Variants in SCRN1 observed in about 807,000 individuals in gnomAD.
SCRN1 encodes the protein secernin-1.
Under a neutral mutation model 43.3 loss-of-function variants are expected in SCRN1, and 19 were observed. That is an observed-to-expected ratio of 0.44 (90% CI 0.31 to 0.64). The LOEUF is 0.64. Ranked by LOEUF, SCRN1 falls within the 30% of genes least tolerant of loss-of-function variation. SCRN1 has a pLI of 0.09. For missense variants in SCRN1, 447 were observed against 524.1 expected, an observed-to-expected ratio of 0.85 and a Z score of 1.44; for synonymous variants, 183 against 188.9, an observed-to-expected ratio of 0.97 and a Z score of 0.26.
intron 1 of SCRN1, among the ~76,000 whole-genome samples, chr7:29,983,453 TAA>T (rs55905237): frequency 7.1e-6 from 1 of 140,764 alleles, no homozygotes; most frequent in African/African-American, 2.6e-5. Flanking sequence ...GAAGTATAAT[TAA>T]AAAAAAAAAA....
intron 7 of SCRN1, 38 bp downstream of exon 7, chr7:29,926,414 C>A: frequency 6.3e-7 from 1 of 1,595,708 alleles, no homozygotes; most frequent in Non-Finnish European, 8.6e-7. Context: ...CGCCCGCCCG[C>A]CTCCGCCTCC....
chr7:29,975,997 G>A (rs1327703484), intron 1 of SCRN1, among the ~76,000 whole-genome samples: 1 of 152,190 alleles, frequency 6.6e-6, no homozygotes, highest in Non-Finnish European at 1.5e-5. Flanking sequence ...GGATAAGGAT[G>A]GAAGTTGTAA....
At chr7:29,982,677 T>G in intron 1 of SCRN1, among the ~76,000 whole-genome samples, 1 of 73,894 alleles carries the variant, frequency 1.4e-5, no homozygotes. Flanking sequence ...AGCGAGACCC[T>G]GTCTCAAAAA....
At chr7:29,936,328 T>G (rs1428742131) in intron 6 of SCRN1, among the ~76,000 whole-genome samples, 1 of 152,210 alleles carries the variant, frequency 6.6e-6, no homozygotes, top group African/African-American at 2.4e-5. Context: ...CTAATAAATT[T>G]AAAAGAACTA....
chr7:29,931,017 G>A (rs1290651126), intron 6 of SCRN1, among the ~76,000 whole-genome samples: 3 of 152,188 alleles, frequency 2.0e-5, no homozygotes, highest in Non-Finnish European at 4.4e-5. Flanking sequence ...CACAGCGTGG[G>A]CATCCAAACT....
At chr7:29,947,008 C>T (rs535865146) in intron 3 of SCRN1, among the ~76,000 whole-genome samples, 25 of 152,338 alleles carry the variant, frequency 1.6e-4, no homozygotes, top group Admixed American at 7.8e-4. Flanking sequence ...TCATGTGATT[C>T]CAGAAGAGGG....
intron 1 of SCRN1, among the ~76,000 whole-genome samples, chr7:29,978,755 G>T (rs1406709986): frequency 6.6e-6 from 1 of 152,228 alleles, no homozygotes; most frequent in Non-Finnish European, 1.5e-5. Context: ...CAATAAGGCG[G>T]AGACTCTGGG....
intron 2 of SCRN1, among the ~76,000 whole-genome samples, chr7:29,966,937 T>G (rs558547916): frequency 1.5e-4 from 23 of 152,176 alleles, no homozygotes; most frequent in African/African-American, 5.5e-4. Flanking sequence ...TGATTTAAGA[T>G]TTAGATATGA....
intron 6 of SCRN1, 42 bp from the exon 7 acceptor site, chr7:29,926,674 G>T (rs745497688): frequency 6.4e-7 from 1 of 1,561,354 alleles, no homozygotes; most frequent in Non-Finnish European, 8.7e-7. Context: ...CAGAGGCTGG[G>T]ACCCGGGAAC....
In SCRN1 at chr7:29,961,222, C is replaced by A. The variant is rs1260238982; in HGVS notation, c.160-5862G>T. 2.1e-5 allele frequency among the ~76,000 whole-genome samples: 3 copies of A among 142,898 alleles called. No homozygotes were observed. In the Admixed American group the frequency reaches 2.1e-4, roughly 10 times the overall value. The allele number at this position is 142,898 out of a possible 152,430, so 93.7% of individuals were successfully genotyped here. On this transcript the variant is annotated intron_variant, in intron 2 of 7. Transcript: ENST00000242059. Reference sequence around the variant, plus strand: ...CTAGGCAGAGGACCCTGCGGCCTTCCGCGGTGTTTGTGTCCCTGATTACTT... The same window carrying A: ...CTAGGCAGAGGACCCTGCGGCCTTCAGCGGTGTTTGTGTCCCTGATTACTT...
intron 2 of SCRN1, among the ~76,000 whole-genome samples, chr7:29,964,465 A>C (rs1788424732): frequency 6.6e-6 from 1 of 151,944 alleles, no homozygotes; most frequent in Non-Finnish European, 1.5e-5. Context: ...TACGAAAGGC[A>C]AAAGTATGGA....
At chr7:29,972,970 A>C (rs747117066) in intron 1 of SCRN1, among the ~76,000 whole-genome samples, 5 of 152,230 alleles carry the variant, frequency 3.3e-5, no homozygotes, top group Non-Finnish European at 7.3e-5. Context: ...GGACAGTGAC[A>C]CAGAGTCCCA....
intron 6 of SCRN1, among the ~76,000 whole-genome samples, chr7:29,927,772 C>G (rs1358260442): frequency 6.6e-6 from 1 of 152,140 alleles, no homozygotes; most frequent in Non-Finnish European, 1.5e-5. Flanking sequence ...CCTGGGGCAT[C>G]TGGAGCTTGA....
intron 5 of SCRN1, among the ~76,000 whole-genome samples, chr7:29,939,177 T>C (rs1787445984): frequency 6.6e-6 from 1 of 152,122 alleles, no homozygotes; most frequent in African/African-American, 2.4e-5. Context: ...AGTCCTAAAG[T>C]GTTCTAGATT....
intron 3 of SCRN1, among the ~76,000 whole-genome samples, chr7:29,947,519 G>A (rs987210422): frequency 6.6e-6 from 1 of 152,138 alleles, no homozygotes; most frequent in African/African-American, 2.4e-5. Context: ...AGGCAACACA[G>A]CCCCCTTAGA....
At chr7:29,930,399 T>G (rs926950590) in intron 6 of SCRN1, among the ~76,000 whole-genome samples, 1 of 152,182 alleles carries the variant, frequency 6.6e-6, no homozygotes, top group Non-Finnish European at 1.5e-5. Context: ...AAAATCACAT[T>G]TAGAATTCCA....
At chr7:29,986,117 T>C (rs951727071) in intron 1 of SCRN1, among the ~76,000 whole-genome samples, 5 of 152,168 alleles carry the variant, frequency 3.3e-5, no homozygotes, top group African/African-American at 1.2e-4. Context: ...ACGCCTGTAA[T>C]CCCAGCTACT....
intron 3 of SCRN1, among the ~76,000 whole-genome samples, chr7:29,949,929 C>T (rs973219551): frequency 6.6e-6 from 1 of 152,226 alleles, no homozygotes; most frequent in African/African-American, 2.4e-5. Context: ...TCATGACTCG[C>T]CTCCTAAAGT....
chr7:29,968,897 T>G lies in SCRN1; in HGVS notation c.159+12A>C. 6.2e-7 allele frequency: 1 copy of G among 1,614,112 alleles called. No homozygotes were observed. The highest frequency in any genetic ancestry group is 8.5e-7 in the Non-Finnish European group (1 of 1,179,994). ...GAGAGTGTGACTCGCGAGACTGCAA[T>G]GCACGGCTTACCTCAACCTTGCTCT... is the stretch of plus-strand genomic sequence containing the variant. On this transcript the variant is annotated intron_variant, in intron 2 of 7. Transcript: ENST00000242059.
Sources: allele counts gnomAD v4.1 joint callset (sites outside exome capture counted in the v4.1 genomes callset), GRCh38; gene constraint gnomAD v4.1.1; transcripts MANE v1.5; gene names NCBI Gene and HGNC (gene_info 2026-07-23, HGNC 2026-07-21).